The following OTUD7A variants were observed in gnomAD, a reference collection of about 807,000 sequenced individuals.
OTUD7A encodes OTU deubiquitinase 7A.
Under a neutral mutation model 65.7 loss-of-function variants are expected in OTUD7A, and 12 were observed. The ratio of observed to expected loss-of-function variants is 0.18; its 90% CI spans 0.12 to 0.30. The LOEUF is 0.30. OTUD7A is among the 10% of genes least tolerant of loss of function. The pLI is 1.00. For synonymous variants in OTUD7A, 641 were observed against 586.3 expected, an observed-to-expected ratio of 1.09 and a Z score of -1.35; for missense variants, 1,148 against 1,304.8, an observed-to-expected ratio of 0.88 and a Z score of 1.85.
At chr15:31,771,146 T>C (rs1339305824) in intron 1 of OTUD7A, among the ~76,000 whole-genome samples, 1 of 152,190 alleles carries the variant, frequency 6.6e-6, no homozygotes, top group Non-Finnish European at 1.5e-5. Flanking sequence ...TAGAAAATTA[T>C]AAAAAATGTA....
intron 1 of OTUD7A, among the ~76,000 whole-genome samples, chr15:31,834,860 T>C (rs1006882584): frequency 6.6e-6 from 1 of 152,208 alleles, no homozygotes; most frequent in South Asian, 2.1e-4. Flanking sequence ...GGTGCAGATG[T>C]GTGGATGAGT....
intron 1 of OTUD7A, among the ~76,000 whole-genome samples, chr15:31,669,413 G>C (rs940825011): frequency 5.9e-5 from 9 of 152,158 alleles, no homozygotes; most frequent in African/African-American, 2.2e-4. Flanking sequence ...AGTCATGCAG[G>C]CTGTCAGGGA....
rs2041175025 is a variant in OTUD7A at position 31,483,644 on chromosome 15, G to A, written c.2452C>T (p.Pro818Ser). Residue 818 changes from proline (P) to serine (S), a missense_variant, in exon 13 of 13, where the codon CCG becomes TCG. Around this residue, in one of 6 missense-constraint regions of OTUD7A, gnomAD observed 842 missense variants for 769.5 expected, o/e 1.09. Transcript: ENST00000307050. ...NRSLSSQSYS[P>S]ARAAALRTVN... The stretch of plus-strand genomic sequence containing the variant: ...GTGCGCAGGGCGGCGGCGCGCGCCG[G>A]GCTGTAGCTCTGCGACGACAGCGAG... The A allele has an allele frequency of 4.3e-6, 5 of 1,175,426 alleles. No homozygotes were observed. Among genetic ancestry groups the A allele is most frequent in the Non-Finnish European group, 5.2e-6 (5 of 954,414 alleles). The allele number at this position is 1,175,426 out of a possible 1,614,324, so 72.8% of individuals were successfully genotyped here.
intron 5 of OTUD7A, among the ~76,000 whole-genome samples, chr15:31,543,788 TACTC>T (rs1168833018): frequency 2.6e-5 from 4 of 151,844 alleles, no homozygotes; most frequent in Admixed American, 6.6e-5. Flanking sequence ...TATAGACAAG[TACTC>T]AATCATGATG....
intron 1 of OTUD7A, among the ~76,000 whole-genome samples, chr15:31,816,190 A>C (rs940392877): frequency 6.6e-6 from 1 of 152,222 alleles, no homozygotes; most frequent in Non-Finnish European, 1.5e-5. Flanking sequence ...CTTTTCATCC[A>C]ATCACTCTGT....
chr15:31,778,761 C>T (rs745377719), intron 1 of OTUD7A, among the ~76,000 whole-genome samples: 84 of 152,072 alleles, frequency 5.5e-4, no homozygotes, highest in Non-Finnish European at 1.1e-3. Context: ...CACACAGACA[C>T]GCACATACAC....
rs116221927 is a variant in OTUD7A at position 31,557,574 on chromosome 15, T to A, written c.550+1395A>T. The A allele has an allele frequency of 9.2e-3, 1,397 of 152,410 alleles. 29 individuals carry two copies. The highest frequency in any genetic ancestry group is 0.032 in the African/African-American group (1,328 of 41,578). 9.4% of individuals were successfully genotyped at this position (152,410 alleles called of 1,614,324 possible). A position where few individuals can be genotyped will look rare whatever the true frequency, so the allele number is the denominator to read the frequency against. ...GCCACACCTACTGCCCGTGGCTATCTCCATCAGCCACTCTCATCCCTTGTC... is the reference window on the plus strand; with the variant it reads ...GCCACACCTACTGCCCGTGGCTATCACCATCAGCCACTCTCATCCCTTGTC... On this transcript the variant is annotated intron_variant, in intron 5 of 12. Transcript: ENST00000307050.
intron 5 of OTUD7A, among the ~76,000 whole-genome samples, chr15:31,534,744 T>G (rs137880022): frequency 6.6e-6 from 1 of 152,276 alleles, no homozygotes; most frequent in African/African-American, 2.4e-5. Flanking sequence ...AATGGTACAG[T>G]CATCCCCAAG....
Position 31,634,428 on chromosome 15 carries a change from T to C in OTUD7A, c.151+20668A>G, listed in dbSNP as rs1334444592. On this transcript the variant is annotated intron_variant, in intron 3 of 12. Transcript: ENST00000307050. ...CTACACACACTCTTCCCAGGGCACCTGGACCTACTCCCTGCCTTTACACAG... is the reference window on the plus strand; with the variant it reads ...CTACACACACTCTTCCCAGGGCACCCGGACCTACTCCCTGCCTTTACACAG... 3.9e-5 allele frequency among the ~76,000 whole-genome samples: 6 copies of C among 152,336 alleles called. No individual in the cohort carries two copies. The East Asian group carries it at 1.2e-3, about 29-fold the overall frequency.
At chr15:31,517,849 G>A (rs746752926) in intron 8 of OTUD7A, among the ~76,000 whole-genome samples, 1 of 152,164 alleles carries the variant, frequency 6.6e-6, no homozygotes, top group South Asian at 2.1e-4. Flanking sequence ...CCTGGCTTAA[G>A]CTGTAGCCAC....
chr15:31,752,219 T>C (rs1292850593), intron 1 of OTUD7A, among the ~76,000 whole-genome samples: 2 of 152,136 alleles, frequency 1.3e-5, no homozygotes, highest in African/African-American at 4.8e-5. Context: ...TTATGTAAAG[T>C]TGAAAACATG....
At chr15:31,667,255 T>C (rs933789063) in intron 1 of OTUD7A, among the ~76,000 whole-genome samples, 8 of 152,130 alleles carry the variant, frequency 5.3e-5, no homozygotes, top group African/African-American at 1.9e-4. Flanking sequence ...TGTGTTGCTG[T>C]CTATCTCATT....
chr15:31,765,579 TC>T (rs1895074879), intron 1 of OTUD7A, among the ~76,000 whole-genome samples: 1 of 152,220 alleles, frequency 6.6e-6, no homozygotes, highest in Non-Finnish European at 1.5e-5. Flanking sequence ...CTAGTTAGTT[TC>T]CTAGGAGTCT....
At chr15:31,796,188 T>TG (rs1567027240) in intron 1 of OTUD7A, among the ~76,000 whole-genome samples, 7 of 146,792 alleles carry the variant, frequency 4.8e-5, no homozygotes, top group African/African-American at 1.8e-4. Context: ...TATCTATGCA[T>TG]TATCTATCTA....
At chr15:31,852,662 A>G (rs1187408722) in intron 1 of OTUD7A, among the ~76,000 whole-genome samples, 1 of 152,234 alleles carries the variant, frequency 6.6e-6, no homozygotes, top group Non-Finnish European at 1.5e-5. Flanking sequence ...CAACTGGCCA[A>G]TTCTGTGCTC....
Position 31,476,873 on chromosome 15 carries a change from C to A in OTUD7A, c.*6421G>T, listed in dbSNP as rs143388065. 49 of 152,358 alleles carry A rather than the reference C, an allele frequency of 3.2e-4. No individual in the cohort carries two copies. Among genetic ancestry groups the A allele is most frequent in the African/African-American group, 1.1e-3 (44 of 41,570 alleles). 9.4% of individuals were successfully genotyped at this position (152,358 alleles called of 1,614,324 possible). On this transcript the variant is annotated 3_prime_UTR_variant, in exon 13 of 13. Transcript: ENST00000307050. Reference sequence around the variant, plus strand: ...GGCCAAAGGACCTAGAAGTAAACACCAAAGTTAGGTAGTTGTGAAAATCAT... The same window carrying A: ...GGCCAAAGGACCTAGAAGTAAACACAAAAGTTAGGTAGTTGTGAAAATCAT...
intron 6 of OTUD7A, 27 bp downstream of exon 6, chr15:31,530,679 CA>C: frequency 1.2e-6 from 2 of 1,600,734 alleles, no homozygotes; most frequent in Non-Finnish European, 1.7e-6. Flanking sequence ...GGAGCCTGGC[CA>C]CCCTCTGTCT....
At chr15:31,548,086 T>C (rs746921428) in intron 5 of OTUD7A, among the ~76,000 whole-genome samples, 1 of 152,214 alleles carries the variant, frequency 6.6e-6, no homozygotes, top group Non-Finnish European at 1.5e-5. Flanking sequence ...CCTAAAAATT[T>C]GATAACTTCA....
Position 31,713,016 on chromosome 15 carries a change from C to A in OTUD7A, c.-99-55939G>T, listed in dbSNP as rs570892217. Among the ~76,000 whole-genome samples, 10 of 152,268 alleles carry A rather than the reference C, an allele frequency of 6.6e-5. No individual in the cohort carries two copies. In the South Asian group the frequency reaches 1.9e-3, roughly 28 times the overall value. On this transcript the variant is annotated intron_variant, in intron 1 of 12. Coordinates refer to ENST00000307050, the MANE Select transcript of OTUD7A (RefSeq NM_001382637.1). ...TGTCATCTGTTACACTTCCATATTG[C>A]TGTCAAACTTCAATACTGACATTCT...
Sources: allele counts gnomAD v4.1 joint callset (sites outside exome capture counted in the v4.1 genomes callset), GRCh38; gene constraint gnomAD v4.1.1; regional missense constraint gnomAD v4.1.1; transcripts MANE v1.5; gene names NCBI Gene and HGNC (gene_info 2026-07-23, HGNC 2026-07-21).